Variants in DACH1 observed in about 807,000 individuals in gnomAD.
DACH1 encodes dachshund family transcription factor 1.
A neutral mutation model predicts 54.2 loss-of-function variants in DACH1; 12 were observed. The ratio of observed to expected loss-of-function variants is 0.22; its 90% CI spans 0.14 to 0.36. The LOEUF is 0.36. Ranked by LOEUF, DACH1 falls within the 10% of genes least tolerant of loss-of-function variation. DACH1 has a pLI of 1.00. For synonymous variants in DACH1, 386 were observed against 366.2 expected (o/e 1.05, Z -0.62); for missense variants, 805 against 929.8 (o/e 0.87, Z 1.75).
At position 71,858,365 on chromosome 13, in the gene DACH1, C is replaced by T. The variant is rs562265490; in HGVS notation, c.848+7557G>A. On this transcript the variant is annotated intron_variant, in intron 1 of 10. Transcript: ENST00000613252. ...TCATGTTTACCACTCCATTCATATA[C>T]GCTAAGGAAACAAAAACATTTCTCA... is the stretch of plus-strand genomic sequence containing the variant. Among the ~76,000 whole-genome samples the T allele has an allele frequency of 4.4e-4, 66 of 151,716 alleles. No homozygotes were observed. The Middle Eastern group carries it at 0.014, about 31-fold the overall frequency.
At chr13:71,514,484 C>T (rs1881012930) in intron 6 of DACH1, among the ~76,000 whole-genome samples, 1 of 151,710 alleles carries the variant, frequency 6.6e-6, no homozygotes, top group Non-Finnish European at 1.5e-5. Context: ...GTAAAGTTAT[C>T]AAATGAATAA....
intron 3 of DACH1, among the ~76,000 whole-genome samples, chr13:71,615,669 T>C (rs1168141718): frequency 6.6e-6 from 1 of 152,122 alleles, no homozygotes; most frequent in East Asian, 1.9e-4. Flanking sequence ...AGACACTCTT[T>C]GGATAAATAT....
intron 3 of DACH1, among the ~76,000 whole-genome samples, chr13:71,623,105 G>T (rs1448167955): frequency 6.6e-6 from 1 of 151,514 alleles, no homozygotes; most frequent in African/African-American, 2.4e-5. Context: ...TATAGAAATG[G>T]ATTTAAGAAT....
At chr13:71,511,337 G>A (rs928317) in intron 6 of DACH1, among the ~76,000 whole-genome samples, 141,267 of 151,946 alleles carry the variant, frequency 0.93, 66,565 homozygotes, top group East Asian at 1. Flanking sequence ...TGAGGAAGAA[G>A]TACAAGTGAA....
intron 1 of DACH1, among the ~76,000 whole-genome samples, chr13:71,807,538 T>A (rs1887556420): frequency 6.6e-6 from 1 of 152,090 alleles, no homozygotes; most frequent in South Asian, 2.1e-4. Flanking sequence ...GTGTGTGGTT[T>A]AAGATTGGTC....
chr13:71,610,617 G>A (rs1593981593), intron 3 of DACH1, among the ~76,000 whole-genome samples: 2 of 152,134 alleles, frequency 1.3e-5, no homozygotes, highest in African/African-American at 4.8e-5. Context: ...CATATCATAT[G>A]AGTATAATAA....
At chr13:71,792,162 A>T (rs931110972) in intron 1 of DACH1, among the ~76,000 whole-genome samples, 8 of 152,138 alleles carry the variant, frequency 5.3e-5, no homozygotes, top group African/African-American at 1.9e-4. Flanking sequence ...ATATAACCCA[A>T]CCCAATGCAT....
intron 1 of DACH1, among the ~76,000 whole-genome samples, chr13:71,843,346 A>G (rs1016113151): frequency 1.3e-5 from 2 of 151,998 alleles, no homozygotes; most frequent in African/African-American, 4.8e-5. Flanking sequence ...GCTCACCACA[A>G]CCTCAACCTC....
At chr13:71,647,908 C>T (rs1344311351) in intron 2 of DACH1, among the ~76,000 whole-genome samples, 1 of 152,190 alleles carries the variant, frequency 6.6e-6, no homozygotes, top group Non-Finnish European at 1.5e-5. Context: ...CCTGCAACTC[C>T]TAGTTTCAGA....
chr13:71,683,941 C>A (rs1881035037), intron 1 of DACH1, among the ~76,000 whole-genome samples: 1 of 152,122 alleles, frequency 6.6e-6, no homozygotes, highest in Non-Finnish European at 1.5e-5. Flanking sequence ...TAAATCTGAA[C>A]TCAGCATCTA....
At chr13:71,765,746 C>G (rs1885591891) in intron 1 of DACH1, among the ~76,000 whole-genome samples, 1 of 152,006 alleles carries the variant, frequency 6.6e-6, no homozygotes, top group Non-Finnish European at 1.5e-5. Flanking sequence ...GATTTAAGAC[C>G]CCCAGTTTTA....
intron 3 of DACH1, among the ~76,000 whole-genome samples, chr13:71,599,648 G>A (rs1874352140): frequency 6.6e-6 from 1 of 152,068 alleles, no homozygotes; most frequent in South Asian, 2.1e-4. Context: ...TCCCCTGAAT[G>A]ATAAACCTCC....
Position 71,866,424 on chromosome 13 carries a change from C to CGCCGCT in DACH1, c.345_346insAGCGGC (p.Ser115_Gly116insSerGly). On this transcript the variant is annotated inframe_insertion, in exon 1 of 11. Coordinates refer to ENST00000613252, the MANE Select transcript of DACH1 (RefSeq NM_080759.6). ...GCGCTGATGCCGCCGCCGCCGCCGC[C>CGCCGCT]GCTGCCGTTGCTCGCGGCCGCCAGG... 7.1e-7 allele frequency: 1 copy of CGCCGCT among 1,400,992 alleles called. No homozygotes were observed. The highest frequency in any genetic ancestry group is 2.6e-5 in the Admixed American group (1 of 39,206). 86.8% of individuals were successfully genotyped at this position (1,400,992 alleles called of 1,614,324 possible).
chr13:71,516,960 G>GAGCCATTAT (rs1230500075), intron 6 of DACH1, among the ~76,000 whole-genome samples: 2 of 150,954 alleles, frequency 1.3e-5, no homozygotes, highest in East Asian at 3.9e-4. Flanking sequence ...TGAGACTTAA[G>GAGCCATTAT]AGCCATTATA....
At chr13:71,786,377 T>C (rs924036504) in intron 1 of DACH1, among the ~76,000 whole-genome samples, 2 of 152,074 alleles carry the variant, frequency 1.3e-5, no homozygotes, top group Admixed American at 6.6e-5. Flanking sequence ...ACATAGAAAG[T>C]GGAAGTTGAC....
intron 3 of DACH1, among the ~76,000 whole-genome samples, chr13:71,605,289 C>T (rs563377241): frequency 5.3e-5 from 8 of 151,560 alleles, no homozygotes; most frequent in African/African-American, 1.9e-4. Context: ...TTCTTCATAT[C>T]GGGAATATAT....
At chr13:71,623,413 TA>T (rs1376097351) in intron 3 of DACH1, among the ~76,000 whole-genome samples, 1 of 151,694 alleles carries the variant, frequency 6.6e-6, no homozygotes, top group Admixed American at 6.6e-5. Flanking sequence ...TGTTAACTCT[TA>T]TTTAGCCTCT....
At chr13:71,507,903 C>T (rs1880461178) in intron 6 of DACH1, among the ~76,000 whole-genome samples, 1 of 152,082 alleles carries the variant, frequency 6.6e-6, no homozygotes, top group African/African-American at 2.4e-5. Context: ...CTATTTATTG[C>T]TAACAATTAA....
At chr13:71,582,812 G>A (rs1872945103) in intron 3 of DACH1, among the ~76,000 whole-genome samples, 1 of 152,126 alleles carries the variant, frequency 6.6e-6, no homozygotes, top group Non-Finnish European at 1.5e-5. Context: ...GCATTCAGAA[G>A]AGGAGGTTTT....
Sources: gnomAD v4.1 joint callset for allele counts (sites outside exome capture counted in the v4.1 genomes callset) on GRCh38, gnomAD v4.1.1 for gene constraint, MANE v1.5 for transcripts, NCBI Gene and HGNC (gene_info 2026-07-23, HGNC 2026-07-21) for gene names.